The following HDAC7 variants were observed in gnomAD, a reference collection of about 807,000 sequenced individuals.
The protein encoded by HDAC7 is histone deacetylase 7.
A neutral mutation model predicts 115.5 loss-of-function variants in HDAC7; 26 were observed. The observed-to-expected ratio is 0.23, with a 90% CI of 0.16 to 0.31. The LOEUF is 0.31. Ranked by LOEUF, HDAC7 falls within the 10% of genes least tolerant of loss-of-function variation. The pLI is 1.00. For synonymous variants in HDAC7, 564 were observed against 550.9 expected (o/e 1.02, Z -0.33); for missense variants, 1,068 against 1,329.0 (o/e 0.80, Z 3.05).
Position 47,797,201 on chromosome 12 carries a change from A to T in HDAC7, c.578-59T>A. 3.8e-6 allele frequency: 6 copies of T among 1,560,484 alleles called. No homozygotes were observed. The highest frequency in any genetic ancestry group is 3.5e-6 in the Non-Finnish European group (4 of 1,151,896). On this transcript the variant is annotated intron_variant, in intron 6 of 25. Coordinates refer to ENST00000080059, the MANE Select transcript of HDAC7 (RefSeq NM_015401.5). This position sits in a 1 kb window ranked among gnomAD's most constrained non-coding sequence, Gnocchi z 5.5. ...CCACCCTTCTTTTTTCCACCCTTTA[A>T]CCCCTCAGTCCCAGTCATCTCTATC...
chr12:47,800,257 G>C (rs1443452821), intron 2 of HDAC7, among the ~76,000 whole-genome samples: 3 of 152,166 alleles, frequency 2.0e-5, no homozygotes, highest in Non-Finnish European at 4.4e-5. Flanking sequence ...CCCTGCTAGG[G>C]GCAGAGCTAG....
rs1290378732 is a variant in HDAC7, at chr12:47,797,027, C to G, written c.693G>C (p.Glu231Asp). ...TCAGCCGGCCCTCACCTCCGAGGGT[C>G]TCTGCGGGCCGCCGCCGGAGGCTGG... ...APPSLRRRPA[E>D]TLGDSSPSSS... is the part of the protein sequence containing the mutation. The change falls in exon 7 of 26, where the codon GAG becomes GAC. Residue 231 changes from glutamate (E) to aspartate (D), a missense_variant. Around this residue, in one of 6 missense-constraint regions of HDAC7, gnomAD observed 618 missense variants for 701.5 expected, o/e 0.88. Coordinates refer to ENST00000080059, the MANE Select transcript of HDAC7 (RefSeq NM_015401.5). The surrounding 1 kb of genome is among the most constrained non-coding windows in gnomAD (Gnocchi z 5.5). 6.4e-7 allele frequency: 1 copy of G among 1,564,222 alleles called. No homozygotes were observed. Among genetic ancestry groups the G allele is most frequent in the Non-Finnish European group, 8.6e-7 (1 of 1,158,788 alleles).
In HDAC7 at chr12:47,783,666, G is replaced by A; in HGVS notation, c.*175C>T. On this transcript the variant is annotated 3_prime_UTR_variant, in exon 26 of 26. Transcript: ENST00000080059. The stretch of plus-strand genomic sequence containing the variant: ...AGGGTCCTCTCCAGTTCCCATTCTA[G>A]ACCCAGGGATTTTCTCACGCTCCCT... The A allele has an allele frequency of 1.4e-6, 1 of 700,804 alleles. No individual in the cohort carries two copies. The highest frequency in any genetic ancestry group is 2.5e-6 in the Non-Finnish European group (1 of 398,318). The allele number at this position is 700,804 out of a possible 1,614,324, so 43.4% of individuals were successfully genotyped here. A position where few individuals can be genotyped will look rare whatever the true frequency, so the allele number is the denominator to read the frequency against.
Position 47,783,299 on chromosome 12 carries a change from G to C in HDAC7, c.*542C>G, listed in dbSNP as rs1343866589. The C allele has an allele frequency of 6.4e-6, 1 of 156,334 alleles. No homozygotes were observed. The highest frequency in any genetic ancestry group is 1.4e-5 in the Non-Finnish European group (1 of 70,372). 9.7% of individuals were successfully genotyped at this position (156,334 alleles called of 1,614,324 possible). On this transcript the variant is annotated 3_prime_UTR_variant, in exon 26 of 26. Coordinates refer to ENST00000080059, the MANE Select transcript of HDAC7 (RefSeq NM_015401.5). The stretch of plus-strand genomic sequence containing the variant: ...CTTCGTCTCAGTGCCCAGTGGTAGA[G>C]GGAAGCTTCCAGAGTCGTCTGAGGA...
In HDAC7 at chr12:47,798,741, A is replaced by C; in HGVS notation, c.258+44T>G. On this transcript the variant is annotated intron_variant, in intron 3 of 25. Coordinates refer to ENST00000080059, the MANE Select transcript of HDAC7 (RefSeq NM_015401.5). This position sits in a 1 kb window ranked among gnomAD's most constrained non-coding sequence, Gnocchi z 4.3. ...GATGCTGAAGGCGGGGAGGCTGGGGACCAAGCTCAAGGTGGCCCCACATGC... is the reference window on the plus strand; with the variant it reads ...GATGCTGAAGGCGGGGAGGCTGGGGCCCAAGCTCAAGGTGGCCCCACATGC... The C allele has an allele frequency of 1.9e-6, 3 of 1,555,018 alleles. No individual in the cohort carries two copies. The highest frequency in any genetic ancestry group is 2.6e-6 in the Non-Finnish European group (3 of 1,147,826).
Position 47,796,303 on chromosome 12 carries a change from G to T in HDAC7, c.704-5C>A. On this transcript the variant is annotated splice_region_variant and splice_polypyrimidine_tract_variant and intron_variant, in intron 7 of 25. Transcript: ENST00000080059. ...TGCTACTACTTGGGGAGGAGTCTGA[G>T]GGTTGGGGAGAGAGGGAAGTGCAGT... 6.3e-7 allele frequency: 1 copy of T among 1,591,074 alleles called. No homozygotes were observed. Among genetic ancestry groups the T allele is most frequent in the South Asian group, 1.1e-5 (1 of 86,990 alleles).
chr12:47,795,626 G>A lies in HDAC7; in HGVS notation c.1048C>T (p.Leu350Phe). ...GCATGAGAGCCTGAGGGGTCCAGGAGGAGAATGGGCTGCAGGCGAGAGGGC... is the reference window on the plus strand; with the variant it reads ...GCATGAGAGCCTGAGGGGTCCAGGAAGAGAATGGGCTGCAGGCGAGAGGGC... ...TLPSRLQPILLLDPSGSHAPL... is the reference protein window; with the variant it reads ...TLPSRLQPILFLDPSGSHAPL... Residue 350 changes from leucine to phenylalanine, a missense_variant, in exon 10 of 26, where the codon CTC (leucine) becomes TTC (phenylalanine). Around this residue, in one of 6 missense-constraint regions of HDAC7, gnomAD observed 618 missense variants for 701.5 expected, o/e 0.88. Transcript: ENST00000080059. This position sits in a 1 kb window ranked among gnomAD's most constrained non-coding sequence, Gnocchi z 4.3. The A allele has an allele frequency of 2.6e-6, 4 of 1,560,174 alleles. No homozygotes were observed. The highest frequency in any genetic ancestry group is 3.5e-6 in the Non-Finnish European group (4 of 1,152,154).
intron 7 of HDAC7, 74 bp from the exon 8 acceptor site, chr12:47,796,372 G>T: frequency 9.5e-7 from 1 of 1,052,288 alleles, no homozygotes; most frequent in Non-Finnish European, 1.4e-6. Context: ...GCCGCCTGGT[G>T]CAGGAGACCC....
At position 47,796,226 on chromosome 12, in the gene HDAC7, T is replaced by C. The variant is rs761321551; in HGVS notation, c.776A>G (p.Asn259Ser). The C allele has an allele frequency of 8.7e-6, 14 of 1,608,100 alleles. No homozygotes were observed. Among genetic ancestry groups the C allele is most frequent in the African/African-American group, 8.0e-5 (6 of 74,776 alleles). The part of the protein sequence containing the change: ...SSPNDSEHGP[N>S]PILGSEALLG... The stretch of plus-strand genomic sequence containing the variant: ...CCTTACCTCCGAGCCCAGGATGGGA[T>C]TGGGGCCGTGCTCGCTGTCATTGGG... The change falls in exon 8 of 26, where the codon AAT (asparagine) becomes AGT (serine). Residue 259 changes from asparagine to serine, a missense_variant. By Grantham distance (46) the Asn-to-Ser change is conservative. Coordinates refer to ENST00000080059, the MANE Select transcript of HDAC7 (RefSeq NM_015401.5).
Position 47,799,353 on chromosome 12 carries a change from T to C in HDAC7, c.71-381A>G, listed in dbSNP as rs578033147. Among the ~76,000 whole-genome samples the C allele has an allele frequency of 5.5e-4, 84 of 152,234 alleles. No homozygotes were observed. The South Asian group carries it at 0.014, about 26-fold the overall frequency. On this transcript the variant is annotated intron_variant, in intron 2 of 25. Coordinates refer to ENST00000080059, the MANE Select transcript of HDAC7 (RefSeq NM_015401.5). ...TCTTGGCCCTGCCTTCTCCCTCCCT[T>C]CATCCCTCCCTGGAATCAGAGGATT...
rs1943625086 is a variant in HDAC7, at chr12:47,793,312, C to A, written c.1678+57G>T. On this transcript the variant is annotated intron_variant, in intron 13 of 25. Coordinates refer to ENST00000080059, the MANE Select transcript of HDAC7 (RefSeq NM_015401.5). This position sits in a 1 kb window ranked among gnomAD's most constrained non-coding sequence, Gnocchi z 4.5. The stretch of plus-strand genomic sequence containing the variant: ...GTCCCAAGTGACACCAAGACACCCA[C>A]ATGGACTCGTGCAGCCGAGCCCCTC... The A allele has an allele frequency of 1.5e-6, 2 of 1,319,124 alleles. No individual in the cohort carries two copies. Among genetic ancestry groups the A allele is most frequent in the East Asian group, 2.5e-5 (1 of 39,378 alleles). 81.7% of individuals were successfully genotyped at this position (1,319,124 alleles called of 1,614,324 possible).
At chr12:47,810,873 G>A (rs189861600) in intron 1 of HDAC7, among the ~76,000 whole-genome samples, 14 of 146,606 alleles carry the variant, frequency 9.5e-5, no homozygotes, top group South Asian at 4.4e-4. Flanking sequence ...TCTCACTCAC[G>A]GGCAGGCCTT....
intron 1 of HDAC7, among the ~76,000 whole-genome samples, chr12:47,815,285 A>G (rs375741138): frequency 6.6e-5 from 10 of 152,154 alleles, no homozygotes; most frequent in African/African-American, 2.2e-4. Context: ...CACCAGCCCA[A>G]TCGGGTCCAC....
At chr12:47,786,725 C>T (rs2240108) in intron 21 of HDAC7, 22 bp from the exon 22 acceptor site, 201,637 of 1,590,704 alleles carry the variant, frequency 0.13, 14,017 homozygotes, top group Non-Finnish European at 0.15. Context: ...CAAGAAGTGG[C>T]GATCATCGTA....
In HDAC7 at chr12:47,797,855, G is replaced by GGTGGGT. The variant is rs1943942333; in HGVS notation, c.461+252_461+253insACCCAC. The stretch of plus-strand genomic sequence containing the variant: ...TCATGTGCAAGAAAAAAGCCAGTAG[G>GGTGGGT]GTGTGTGTGTGTGTGTGTGTGTGTG... On this transcript the variant is annotated intron_variant, in intron 5 of 25. Transcript: ENST00000080059. The surrounding 1 kb of genome is among the most constrained non-coding windows in gnomAD (Gnocchi z 5.5). Among the ~76,000 whole-genome samples, 2 of 123,876 alleles carry GGTGGGT rather than the reference G, an allele frequency of 1.6e-5. No individual in the cohort carries two copies. 81.3% of individuals were successfully genotyped at this position (123,876 alleles called of 152,430 possible). A position where few individuals can be genotyped will look rare whatever the true frequency, so the allele number is the denominator to read the frequency against.
chr12:47,785,943 C>T (rs1358228707), intron 22 of HDAC7, 58 bp from the exon 23 acceptor site: 33 of 1,491,398 alleles, frequency 2.2e-5, no homozygotes, highest in Middle Eastern at 3.6e-4. Context: ...ACCCTGTTCT[C>T]TACCCCTGTG....
At position 47,810,822 on chromosome 12, in the gene HDAC7, C is replaced by G. The variant is rs12372408; in HGVS notation, c.20-8548G>C. Among the ~76,000 whole-genome samples, 756 of 97,426 alleles carry G rather than the reference C, an allele frequency of 7.8e-3. 7 individuals are homozygous for G. The highest frequency in any genetic ancestry group is 0.032 in the African/African-American group (695 of 21,916). The allele number at this position is 97,426 out of a possible 152,430, so 63.9% of individuals were successfully genotyped here. On this transcript the variant is annotated intron_variant, in intron 1 of 25. Transcript: ENST00000080059. Reference sequence around the variant, plus strand: ...GGAAAAGGTCTCTCTCTCTCTCTCTCTCTCTCTCTCTCTCTCTCTCTCTCT... The same window carrying G: ...GGAAAAGGTCTCTCTCTCTCTCTCTGTCTCTCTCTCTCTCTCTCTCTCTCT...
chr12:47,804,726 T>G (rs1293857456), intron 1 of HDAC7, among the ~76,000 whole-genome samples: 1 of 152,094 alleles, frequency 6.6e-6, no homozygotes. Context: ...GTCACCTTCT[T>G]AAACCAGAAC....
At chr12:47,792,889 G>A in intron 13 of HDAC7, 1 of 360,196 alleles carries the variant, frequency 2.8e-6, no homozygotes, top group South Asian at 2.1e-5. Context: ...ATGTGTTCAT[G>A]GCATCTGTAC....
Sources: allele counts gnomAD v4.1 joint callset (sites outside exome capture counted in the v4.1 genomes callset), GRCh38; gene constraint gnomAD v4.1.1; regional missense constraint gnomAD v4.1.1; non-coding constraint Gnocchi (gnomAD v3.1); transcripts MANE v1.5; gene names NCBI Gene and HGNC (gene_info 2026-07-23, HGNC 2026-07-21).